MOV10L1: variants seen among roughly 807,000 people sequenced by gnomAD.
The protein encoded by MOV10L1 is RNA helicase Mov10l1.
Under a neutral mutation model 143.8 loss-of-function variants are expected in MOV10L1, and 110 were observed. That is an observed-to-expected ratio of 0.76 (90% CI 0.66 to 0.90). The LOEUF (loss-of-function observed/expected upper bound fraction) is 0.90, where lower values mean the gene tolerates loss of function less well. MOV10L1 is among the 40% of genes least tolerant of loss of function. The pLI, the probability that MOV10L1 is intolerant of heterozygous loss-of-function variation, is 0.00. For missense variants in MOV10L1, 1,406 were observed against 1,526.8 expected, an observed-to-expected ratio of 0.92 and a Z score of 1.32; for synonymous variants, 593 against 581.1, an observed-to-expected ratio of 1.02 and a Z score of -0.29.
rs775380297 is a variant in MOV10L1, at chr22:50,134,542, A to G, written c.1982A>G (p.Glu661Gly). ...IHLGVKVLFP[E>G]EIILQSPQVT... The stretch of plus-strand genomic sequence containing the variant: ...TTTGTTTTAAAAGTGTTGTTTCCAG[A>G]AGAAATTATTTTACAGTCTCCACAA... Residue 661 changes from glutamate to glycine, a missense_variant, in exon 15 of 27, where the codon GAA (glutamate) becomes GGA (glycine). By Grantham distance (98) the Glu-to-Gly change is moderately conservative. Transcript: ENST00000262794. 9.3e-6 allele frequency: 15 copies of G among 1,614,084 alleles called. No individual in the cohort carries two copies. Among genetic ancestry groups the G allele is most frequent in the Non-Finnish European group, 1.2e-5 (14 of 1,179,968 alleles).
At chr22:50,108,361 T>G in intron 4 of MOV10L1, 113 bp downstream of exon 4, 1 of 1,010,936 alleles carries the variant, frequency 9.9e-7, no homozygotes, top group Non-Finnish European at 1.5e-6. Context: ...AAAATAAAGC[T>G]TTGTCATGGC....
intron 3 of MOV10L1, 65 bp from the exon 4 acceptor site, chr22:50,108,071 C>A: frequency 7.1e-7 from 1 of 1,404,848 alleles, no homozygotes; most frequent in Non-Finnish European, 1.0e-6. Flanking sequence ...GATTTCAGTG[C>A]ACCATGACCT....
chr22:50,125,302 G>A, intron 10 of MOV10L1, 90 bp from the exon 11 acceptor site: 2 of 1,314,790 alleles, frequency 1.5e-6, no homozygotes, highest in Non-Finnish European at 2.1e-6. Flanking sequence ...TGCTGAACTG[G>A]AGCTGTTGGA....
Position 50,128,434 on chromosome 22 carries a change from A to G in MOV10L1, c.1837A>G (p.Thr613Ala). 1.3e-6 allele frequency: 2 copies of G among 1,531,568 alleles called. No homozygotes were observed. The highest frequency in any genetic ancestry group is 1.8e-6 in the Non-Finnish European group (2 of 1,112,052). The allele number at this position is 1,531,568 out of a possible 1,614,324, so 94.9% of individuals were successfully genotyped here. A position where few individuals can be genotyped will look rare whatever the true frequency, so the allele number is the denominator to read the frequency against. The stretch of plus-strand genomic sequence containing the variant: ...TTTTTAGATTCATGAAGAAGATGTA[A>G]CTCTTAAAATTAATCCAGAATTTGA... ...YVTEIHEEDV[T>A]LKINPEFEQA... Residue 613 changes from threonine (T) to alanine (A), a missense_variant, in exon 13 of 27, where the codon ACT becomes GCT. Coordinates refer to ENST00000262794, the MANE Select transcript of MOV10L1 (RefSeq NM_018995.3).
At chr22:50,144,336 G>C (rs1289336868) in intron 18 of MOV10L1, 93 bp downstream of exon 18, 1 of 1,437,148 alleles carries the variant, frequency 7.0e-7, no homozygotes, top group African/African-American at 1.4e-5. Flanking sequence ...GGGTAGGAGG[G>C]TGGGCACAGA....
chr22:50,096,611 T>G (rs2062595243), intron 2 of MOV10L1, among the ~76,000 whole-genome samples: 1 of 152,250 alleles, frequency 6.6e-6, no homozygotes. Flanking sequence ...AGGCTGCCAC[T>G]TTTTCTGTAT....
Position 50,144,231 on chromosome 22 carries a change from C to A in MOV10L1, c.2493C>A (p.Cys831Ter). 1 of 1,603,912 alleles carries A rather than the reference C, an allele frequency of 6.2e-7. No homozygotes were observed. Among genetic ancestry groups the A allele is most frequent in the Non-Finnish European group, 8.5e-7 (1 of 1,172,482 alleles). ...PATMVRVNATCRFEEIVIDAV... is the reference protein window; with the variant it reads ...PATMVRVNAT ...CCATGGTCCGGGTGAACGCCACCTG[C>A]AGGTTCGAGGAGGTGAGCCCTTGGT... The change falls in exon 18 of 27, where the codon TGC becomes TGA. Residue 831 changes from cysteine to a stop codon, truncating the protein, a stop_gained. Coordinates refer to ENST00000262794, the MANE Select transcript of MOV10L1 (RefSeq NM_018995.3). LOFTEE classifies it high-confidence loss of function.
intron 10 of MOV10L1, among the ~76,000 whole-genome samples, chr22:50,123,285 A>G (rs947866484): frequency 3.3e-5 from 5 of 151,692 alleles, no homozygotes; most frequent in Admixed American, 2.6e-4. Flanking sequence ...GTGTGTTGCT[A>G]CAGTAATTGA....
chr22:50,139,235 T>C (rs1023192271), intron 15 of MOV10L1, among the ~76,000 whole-genome samples: 2 of 152,010 alleles, frequency 1.3e-5, no homozygotes, highest in Non-Finnish European at 2.9e-5. Flanking sequence ...AAAACTAACT[T>C]ACTCTGCGGT....
Position 50,092,275 on chromosome 22 carries a change from G to A in MOV10L1, c.282+90G>A, listed in dbSNP as rs749838499. 5.5e-4 allele frequency: 646 copies of A among 1,184,540 alleles called. 2 individuals carry two copies. The highest frequency in any genetic ancestry group is 7.0e-4 in the Non-Finnish European group (579 of 829,500). 73.4% of individuals were successfully genotyped at this position (1,184,540 alleles called of 1,614,324 possible). A position where few individuals can be genotyped will look rare whatever the true frequency, so the allele number is the denominator to read the frequency against. On this transcript the variant is annotated intron_variant, in intron 2 of 26. Transcript: ENST00000262794. ...GTGTTTAATCTATCAGACATGACCC[G>A]GCCAAGGGAGAAAGAGTGGAATGTA...
chr22:50,145,863 G>A (rs191335312), intron 19 of MOV10L1, 53 bp downstream of exon 19: 6 of 1,607,314 alleles, frequency 3.7e-6, no homozygotes, highest in African/African-American at 1.3e-5. Flanking sequence ...AGAGGTCGGA[G>A]TCCTCTCCTA....
rs547546984 is a variant in MOV10L1 at position 50,109,623 on chromosome 22, A to G, written c.743+779A>G. ...GAGGTGGAGCTTGCAGTGAGCCGAG[A>G]TCGCGCCACTGCACTCCAGCCTGGG... On this transcript the variant is annotated intron_variant, in intron 5 of 26. Transcript: ENST00000262794. 86 of 158,026 alleles carry G rather than the reference A, an allele frequency of 5.4e-4. 1 individual carries two copies. The South Asian group carries it at 0.016, about 29-fold the overall frequency. The allele number at this position is 158,026 out of a possible 1,614,324, so 9.8% of individuals were successfully genotyped here. A position where few individuals can be genotyped will look rare whatever the true frequency, so the allele number is the denominator to read the frequency against.
chr22:50,109,457 C>T (rs1569280712), intron 5 of MOV10L1, among the ~76,000 whole-genome samples: 1 of 151,822 alleles, frequency 6.6e-6, no homozygotes, highest in Non-Finnish European at 1.5e-5. Flanking sequence ...ATCATGAGGT[C>T]AGGGGATCGA....
intron 10 of MOV10L1, among the ~76,000 whole-genome samples, chr22:50,123,196 CAAAAAAAAA>C (rs71198219): frequency 9.9e-6 from 1 of 101,432 alleles, no homozygotes; most frequent in African/African-American, 4.4e-5. Flanking sequence ...ACTCATGTCT[CAAAAAAAAA>C]AAAAAAAAAA....
At chr22:50,149,487 C>T (rs955286500) in intron 19 of MOV10L1, 128 bp from the exon 20 acceptor site, 2 of 801,906 alleles carry the variant, frequency 2.5e-6, no homozygotes, top group African/African-American at 3.4e-5. Context: ...AGACCCCCAG[C>T]TCCTGCACAC....
intron 19 of MOV10L1, chr22:50,146,909 C>G: frequency 1.5e-6 from 1 of 674,752 alleles, no homozygotes; most frequent in East Asian, 2.8e-5. Context: ...CAAAATCCAC[C>G]ATGTATTTTA....
At chr22:50,137,806 TATATACATATATAA>T (rs2062868780) in intron 15 of MOV10L1, among the ~76,000 whole-genome samples, 1 of 99,942 alleles carries the variant, frequency 1.0e-5, no homozygotes, top group African/African-American at 3.2e-5. Context: ...ATATTTTATA[TATATACATATATAA>T]ATATACATAT....
intron 3 of MOV10L1, among the ~76,000 whole-genome samples, chr22:50,106,521 G>C (rs1196671354): frequency 8.6e-5 from 13 of 151,288 alleles, no homozygotes; most frequent in Non-Finnish European, 1.8e-4. Flanking sequence ...ACTGTACAAC[G>C]TATAGAACTA....
At chr22:50,130,537 C>T (rs1369399768) in intron 13 of MOV10L1, among the ~76,000 whole-genome samples, 1 of 151,766 alleles carries the variant, frequency 6.6e-6, no homozygotes, top group Non-Finnish European at 1.5e-5. Context: ...GGAGAGAGAG[C>T]GAGAGAAATT....
Sources: gnomAD v4.1 joint callset for allele counts (sites outside exome capture counted in the v4.1 genomes callset) on GRCh38, gnomAD v4.1.1 for gene constraint, MANE v1.5 for transcripts, NCBI Gene and HGNC (gene_info 2026-07-23, HGNC 2026-07-21) for gene names.